LGSN: variants seen among roughly 807,000 people sequenced by gnomAD.
The protein encoded by LGSN is lengsin, lens protein with glutamine synthetase domain.
Under a neutral mutation model 19.5 loss-of-function variants are expected in LGSN, and 21 were observed. The observed-to-expected ratio is 1.07, with a 90% confidence interval of 0.76 to 1.55. The LOEUF (loss-of-function observed/expected upper bound fraction) is 1.55, where lower values mean the gene tolerates loss of function less well. Among genes scored for constraint, LGSN ranks in the 40% most tolerant of loss-of-function variants. LGSN has a pLI of 0.00. For synonymous variants in LGSN, 257 were observed against 215.6 expected (o/e 1.19, Z -1.68); for missense variants, 673 against 608.5 (o/e 1.11, Z -1.12).
the LGSN span, among the ~76,000 whole-genome samples, chr6:63,471,622 C>G: frequency 4.9e-4 from 74 of 150,450 alleles, no homozygotes; most frequent in African/African-American, 1.7e-3. Context: ...CTGAGATCAC[C>G]GCCACTGCAC....
At chr6:63,308,518 T>C (rs1397500063) in intron 1 of LGSN, among the ~76,000 whole-genome samples, 2 of 152,198 alleles carry the variant, frequency 1.3e-5, no homozygotes, top group Non-Finnish European at 2.9e-5. Flanking sequence ...ATAAATTTCT[T>C]TCCAATATAA....
At chr6:63,451,277 C>T in the LGSN span, among the ~76,000 whole-genome samples, 28 of 152,254 alleles carry the variant, frequency 1.8e-4, 1 homozygote, top group South Asian at 5.6e-3. Context: ...ATTATAAAGA[C>T]ACATACATGT....
At chr6:63,460,099 CCTT>C in the LGSN span, among the ~76,000 whole-genome samples, 3 of 115,912 alleles carry the variant, frequency 2.6e-5, no homozygotes, top group African/African-American at 9.7e-5. Flanking sequence ...GATTTCATTC[CCTT>C]TTTTTTTTTT....
At chr6:63,503,666 G>T in the LGSN span, among the ~76,000 whole-genome samples, 1 of 152,202 alleles carries the variant, frequency 6.6e-6, no homozygotes, top group Non-Finnish European at 1.5e-5. Flanking sequence ...TGTAATCCCA[G>T]CACTCTGGGA....
the LGSN span, among the ~76,000 whole-genome samples, chr6:63,510,667 T>C: frequency 0.095 from 3,931 of 41,312 alleles, 227 homozygotes; most frequent in African/African-American, 0.39. Context: ...CGAATTTTTT[T>C]TTTTTTTTTT....
the LGSN span, among the ~76,000 whole-genome samples, chr6:63,497,150 C>G: frequency 1.3e-5 from 2 of 151,972 alleles, no homozygotes; most frequent in East Asian, 3.9e-4. Context: ...TTTTTTAAAA[C>G]ATTTTTTGTC....
chr6:63,437,258 A>G, the LGSN span, among the ~76,000 whole-genome samples: 1 of 151,588 alleles, frequency 6.6e-6, no homozygotes, highest in Non-Finnish European at 1.5e-5. Context: ...GCACCAAAAT[A>G]CCATTTTTTT....
chr6:63,357,841 A>G, the LGSN span, among the ~76,000 whole-genome samples: 1 of 151,926 alleles, frequency 6.6e-6, no homozygotes, highest in African/African-American at 2.4e-5. Flanking sequence ...GTTTAATTAG[A>G]TCCCATTTGT....
the LGSN span, among the ~76,000 whole-genome samples, chr6:63,496,968 G>C: frequency 1.3e-5 from 2 of 151,954 alleles, no homozygotes; most frequent in East Asian, 3.9e-4. Context: ...AGATTTGAAG[G>C]TTACAACAAA....
the LGSN span, chr6:63,527,868 C>G: frequency 6.6e-6 from 1 of 152,192 alleles, no homozygotes; most frequent in South Asian, 2.1e-4. Flanking sequence ...TCATAATTCC[C>G]AGCAGCAGTG....
chr6:63,397,442 G>A, the LGSN span, among the ~76,000 whole-genome samples: 4 of 148,046 alleles, frequency 2.7e-5, no homozygotes, highest in African/African-American at 5.2e-5. Flanking sequence ...GAAACTTGTC[G>A]GCTTGGGAGA....
chr6:63,434,923 C>T, the LGSN span, among the ~76,000 whole-genome samples: 1 of 152,336 alleles, frequency 6.6e-6, no homozygotes, highest in South Asian at 2.1e-4. Context: ...TCCATAGGAG[C>T]TTTTCCCTGT....
the LGSN span, among the ~76,000 whole-genome samples, chr6:63,554,536 AC>A: frequency 6.6e-6 from 1 of 152,100 alleles, no homozygotes; most frequent in African/African-American, 2.4e-5. Flanking sequence ...GGTGGCTCAC[AC>A]CTGTAATCCC....
rs1767498842 is a variant in LGSN, at chr6:63,285,643, C to T, written c.274G>A (p.Ala92Thr). The T allele has an allele frequency of 6.2e-7, 1 of 1,614,070 alleles. No individual in the cohort carries two copies. The highest frequency in any genetic ancestry group is 8.5e-7 in the Non-Finnish European group (1 of 1,179,980). The change falls in exon 3 of 4, where the codon GCA becomes ACA. Residue 92 changes from alanine (A) to threonine (T), a missense_variant. Physicochemically the swap from Ala to Thr is moderately conservative, Grantham distance 58. Coordinates refer to ENST00000370657, the MANE Select transcript of LGSN (RefSeq NM_016571.3). ...CTGGACACGCCGTGGAGGTCTGTTG[C>T]TTCAAATCGTACAAACTGGAGGCGA... ...KNRLQFVRFE[A>T]TDLHGVSRSK...
intron 3 of LGSN, among the ~76,000 whole-genome samples, chr6:63,282,715 TA>T (rs1321210856): frequency 6.6e-6 from 1 of 152,192 alleles, no homozygotes; most frequent in African/African-American, 2.4e-5. Context: ...TAACCAATAA[TA>T]AAGTTGAGTG....
upstream of LGSN, chr6:63,320,065 A>G: frequency 1.3e-6 from 1 of 766,306 alleles, no homozygotes; most frequent in South Asian, 1.5e-5. Flanking sequence ...AGGCTTTTCC[A>G]GAGGGGTCTG....
the LGSN span, chr6:63,528,127 G>A: frequency 6.6e-6 from 1 of 152,176 alleles, no homozygotes; most frequent in Non-Finnish European, 1.5e-5. Flanking sequence ...TCATCTTAAA[G>A]CCATAGAGTG....
At chr6:63,492,293 G>A in the LGSN span, among the ~76,000 whole-genome samples, 3 of 152,178 alleles carry the variant, frequency 2.0e-5, no homozygotes, top group East Asian at 5.8e-4. Context: ...TGTGTTGCCA[G>A]CCATCCTGTC....
the LGSN span, among the ~76,000 whole-genome samples, chr6:63,453,877 C>T: frequency 1.1e-4 from 17 of 151,960 alleles, no homozygotes; most frequent in Admixed American, 4.6e-4. Context: ...AAGATGGTCT[C>T]GGTCTCCTGA....
Sources: gnomAD v4.1 joint callset for allele counts (sites outside exome capture counted in the v4.1 genomes callset) on GRCh38, gnomAD v4.1.1 for gene constraint, MANE v1.5 for transcripts, NCBI Gene and HGNC (gene_info 2026-07-23, HGNC 2026-07-21) for gene names.